EPHB1: variants seen among roughly 807,000 people sequenced by gnomAD.
EPHB1 encodes EPH receptor B1, also known as ephrin type-B receptor 1.
EPHB1 carries 30 observed loss-of-function variants against 94.4 expected under a neutral mutation model. The ratio of observed to expected loss-of-function variants is 0.32; its 90% CI spans 0.24 to 0.43. The LOEUF (loss-of-function observed/expected upper bound fraction) is 0.43, where lower values mean the gene tolerates loss of function less well. Among genes scored for constraint, EPHB1 ranks in the 20% least tolerant of loss-of-function variants. The pLI is 1.00. For synonymous variants in EPHB1, 522 were observed against 489.1 expected (o/e 1.07, Z -0.89); for missense variants, 1,055 against 1,308.3 (o/e 0.81, Z 2.99).
At position 135,030,752 on chromosome 3, in the gene EPHB1, C is replaced by G. The variant is rs1441614953; in HGVS notation, c.806-75696C>G. On this transcript the variant is annotated intron_variant, in intron 3 of 15. Coordinates refer to ENST00000398015, the MANE Select transcript of EPHB1 (RefSeq NM_004441.5). ...CTCCTTGAGCTGTGGTGGGCTCCAC[C>G]CAGTTCAAGCTTCCCTGCTGCTTTG... is the stretch of plus-strand genomic sequence containing the variant. Among the ~76,000 whole-genome samples, 15 of 152,350 alleles carry G rather than the reference C, an allele frequency of 9.8e-5. No homozygotes were observed. The East Asian group carries it at 2.3e-3, about 24-fold the overall frequency.
chr3:135,045,156 G>A (rs766037365), intron 3 of EPHB1, among the ~76,000 whole-genome samples: 7 of 152,194 alleles, frequency 4.6e-5, no homozygotes, highest in Non-Finnish European at 8.8e-5. Flanking sequence ...TTGTGTGGAT[G>A]GTGTGAAAGC....
intron 1 of EPHB1, among the ~76,000 whole-genome samples, chr3:134,866,753 C>T (rs1300411037): frequency 6.6e-6 from 1 of 152,206 alleles, no homozygotes; most frequent in Non-Finnish European, 1.5e-5. Context: ...TTTTCATCAG[C>T]ATGTGGAAGA....
intron 1 of EPHB1, among the ~76,000 whole-genome samples, chr3:134,801,330 C>T (rs1560238965): frequency 6.6e-6 from 1 of 152,134 alleles, no homozygotes; most frequent in Non-Finnish European, 1.5e-5. Context: ...CTCTCTCTGC[C>T]CTGACCAGCC....
chr3:134,806,480 C>T (rs1426509881), intron 1 of EPHB1, among the ~76,000 whole-genome samples: 3 of 152,214 alleles, frequency 2.0e-5, no homozygotes, highest in Non-Finnish European at 2.9e-5. Context: ...TCCTTCCAGG[C>T]ACCCCTGCTG....
chr3:134,838,722 G>A (rs1411400786), intron 1 of EPHB1, among the ~76,000 whole-genome samples: 1 of 152,068 alleles, frequency 6.6e-6, no homozygotes, highest in Admixed American at 6.5e-5. Context: ...AAAATAAATG[G>A]GTGTATCTGG....
At chr3:135,192,482 A>G (rs1942486342) in intron 10 of EPHB1, 94 bp from the exon 11 acceptor site, 1 of 1,442,004 alleles carries the variant, frequency 6.9e-7, no homozygotes, top group African/African-American at 1.4e-5. Flanking sequence ...TCACAATTCC[A>G]CTTGGGGCAC....
intron 3 of EPHB1, among the ~76,000 whole-genome samples, chr3:135,023,438 C>T (rs1936045178): frequency 6.6e-6 from 1 of 152,138 alleles, no homozygotes. Flanking sequence ...AGTAGCACCC[C>T]CTCTCCTCAA....
chr3:135,103,927 C>T (rs1200670502), intron 3 of EPHB1, among the ~76,000 whole-genome samples: 1 of 152,196 alleles, frequency 6.6e-6, no homozygotes, highest in Non-Finnish European at 1.5e-5. Context: ...TTCCACATCC[C>T]CCTGCCACTT....
chr3:134,797,602 A>G (rs1578092104), intron 1 of EPHB1, among the ~76,000 whole-genome samples: 1 of 152,184 alleles, frequency 6.6e-6, no homozygotes, highest in Non-Finnish European at 1.5e-5. Context: ...ATGGAAACAC[A>G]GCAGGCATGA....
intron 3 of EPHB1, among the ~76,000 whole-genome samples, chr3:134,990,390 T>C (rs996248084): frequency 1.2e-4 from 18 of 152,290 alleles, no homozygotes; most frequent in East Asian, 1.2e-3. Flanking sequence ...GAATATCTTT[T>C]TTGTTTGTTT....
At chr3:135,044,181 T>C (rs778882493) in intron 3 of EPHB1, among the ~76,000 whole-genome samples, 2 of 152,192 alleles carry the variant, frequency 1.3e-5, no homozygotes, top group Non-Finnish European at 2.9e-5. Flanking sequence ...CATTTCTGTA[T>C]ATGTCACAAG....
At chr3:134,882,214 A>G (rs758231689) in intron 1 of EPHB1, among the ~76,000 whole-genome samples, 8 of 152,356 alleles carry the variant, frequency 5.3e-5, no homozygotes, top group South Asian at 2.1e-4. Flanking sequence ...AGAACTGAAT[A>G]TTTCATAAGG....
chr3:134,942,219 C>A (rs1027968662), intron 2 of EPHB1, among the ~76,000 whole-genome samples: 1 of 152,164 alleles, frequency 6.6e-6, no homozygotes, highest in Admixed American at 6.5e-5. Context: ...GAGGGCTTGG[C>A]ACTGGGAATA....
At chr3:134,812,120 G>GA (rs35717493) in intron 1 of EPHB1, among the ~76,000 whole-genome samples, 16,687 of 151,588 alleles carry the variant, frequency 0.11, 1,089 homozygotes, top group Middle Eastern at 0.18. Context: ...TCCATTTTTG[G>GA]AAAAAAAATA....
chr3:134,805,160 T>C (rs952451614), intron 1 of EPHB1, among the ~76,000 whole-genome samples: 1 of 152,140 alleles, frequency 6.6e-6, no homozygotes, highest in Non-Finnish European at 1.5e-5. Context: ...TTCACGTGAA[T>C]TCTTGGTGCT....
intron 1 of EPHB1, among the ~76,000 whole-genome samples, chr3:134,909,325 C>T (rs2038405766): frequency 6.6e-6 from 1 of 152,210 alleles, no homozygotes; most frequent in African/African-American, 2.4e-5. Context: ...AACCAGCTAA[C>T]AAGAAAATGT....
At chr3:135,225,959 AG>A (rs1943386827) in intron 12 of EPHB1, among the ~76,000 whole-genome samples, 1 of 152,244 alleles carries the variant, frequency 6.6e-6, no homozygotes, top group Non-Finnish European at 1.5e-5. Context: ...GAAAATGGAA[AG>A]TAAATCTTAA....
At chr3:135,100,072 GA>G (rs1319812678) in intron 3 of EPHB1, among the ~76,000 whole-genome samples, 1 of 152,028 alleles carries the variant, frequency 6.6e-6, no homozygotes, top group Non-Finnish European at 1.5e-5. Context: ...CTCATTTGGG[GA>G]AAAAAATAGA....
At chr3:135,129,490 C>T (rs891823698) in intron 4 of EPHB1, among the ~76,000 whole-genome samples, 5 of 152,206 alleles carry the variant, frequency 3.3e-5, no homozygotes, top group Non-Finnish European at 5.9e-5. Flanking sequence ...TCCTGTCTCA[C>T]GCTGGAGAGG....
Sources: allele counts gnomAD v4.1 joint callset (sites outside exome capture counted in the v4.1 genomes callset), GRCh38; gene constraint gnomAD v4.1.1; transcripts MANE v1.5; gene names NCBI Gene and HGNC (gene_info 2026-07-23, HGNC 2026-07-21).